Variants in COBLL1 observed in about 807,000 individuals in gnomAD.
The protein encoded by COBLL1 is cordon-bleu WH2 repeat protein like 1, also known as cordon-bleu protein-like 1.
A neutral mutation model predicts 94.8 loss-of-function variants in COBLL1; 50 were observed. The ratio of observed to expected loss-of-function variants is 0.53; its 90% confidence interval spans 0.42 to 0.67. COBLL1 has a LOEUF of 0.67. Ranked by LOEUF, COBLL1 falls within the 30% of genes least tolerant of loss-of-function variation. The pLI is 0.00. For synonymous variants in COBLL1, 448 were observed against 473.8 expected (o/e 0.95, Z 0.71); for missense variants, 1,362 against 1,348.7 (o/e 1.01, Z -0.15).
At chr2:164,773,876 G>T (rs1688333868) in intron 2 of COBLL1, 2 of 312,394 alleles carry the variant, frequency 6.4e-6, no homozygotes, top group African/African-American at 2.3e-5. Context: ...GAATTCACTG[G>T]TCTTATCCAA....
At chr2:164,832,705 AATT>A (rs1471733030) in intron 2 of COBLL1, among the ~76,000 whole-genome samples, 1 of 152,188 alleles carries the variant, frequency 6.6e-6, no homozygotes, top group East Asian at 1.9e-4. Context: ...AAAAAATAAT[AATT>A]GTTTATATTA....
rs192070007 is a variant in COBLL1, at chr2:164,735,270, C to G, written c.231-5155G>C. Among the ~76,000 whole-genome samples the G allele has an allele frequency of 1.5e-4, 23 of 152,268 alleles. No individual in the cohort carries two copies. The East Asian group carries it at 4.0e-3, about 27-fold the overall frequency. On this transcript the variant is annotated intron_variant, in intron 3 of 13. Coordinates refer to ENST00000652658, the MANE Select transcript of COBLL1 (RefSeq NM_001365672.2). ...CTAATACAACTGACACATGAGAAAG[C>G]ATACTTGTTGAGAGGAGGTTCATAT... is the stretch of plus-strand genomic sequence containing the variant.
chr2:164,804,188 T>C (rs1683971436), intron 2 of COBLL1, among the ~76,000 whole-genome samples: 2 of 149,778 alleles, frequency 1.3e-5, no homozygotes, highest in African/African-American at 4.9e-5. Context: ...CTTTTCTTGG[T>C]GCTAATATGA....
At chr2:164,795,493 T>TTAGAAGATC (rs1683400597) in intron 2 of COBLL1, among the ~76,000 whole-genome samples, 3 of 151,998 alleles carry the variant, frequency 2.0e-5, no homozygotes, top group Admixed American at 6.6e-5. Context: ...TCTTCTAAAT[T>TTAGAAGATC]TTTCTTACTC....
intron 2 of COBLL1, among the ~76,000 whole-genome samples, chr2:164,762,842 G>T (rs532588990): frequency 1.3e-5 from 2 of 151,946 alleles, no homozygotes; most frequent in Admixed American, 1.3e-4. Flanking sequence ...GACTACAGGC[G>T]CCTGGCACCA....
chr2:164,796,422 G>A (rs2105308345), intron 2 of COBLL1, among the ~76,000 whole-genome samples: 1 of 152,160 alleles, frequency 6.6e-6, no homozygotes, highest in South Asian at 2.1e-4. Flanking sequence ...CACAAATGAG[G>A]ATAACCAAAA....
intron 2 of COBLL1, among the ~76,000 whole-genome samples, chr2:164,835,010 G>A (rs747179572): frequency 6.6e-6 from 1 of 151,836 alleles, no homozygotes; most frequent in Non-Finnish European, 1.5e-5. Flanking sequence ...TTGGTGAAGA[G>A]AATTGGAACC....
intron 3 of COBLL1, among the ~76,000 whole-genome samples, chr2:164,734,243 T>C (rs1686177239): frequency 6.7e-6 from 1 of 149,364 alleles, no homozygotes; most frequent in African/African-American, 2.5e-5. Flanking sequence ...AGGAAAGAAG[T>C]TAGGAATGTC....
downstream of COBLL1, among the ~76,000 whole-genome samples, chr2:164,678,198 G>A (rs1445363684): frequency 6.6e-6 from 1 of 152,050 alleles, no homozygotes; most frequent in African/African-American, 2.4e-5. Flanking sequence ...AAGATATAAA[G>A]GCTTATTATA....
chr2:164,811,087 G>C (rs1053316096), intron 2 of COBLL1, among the ~76,000 whole-genome samples: 1 of 151,872 alleles, frequency 6.6e-6, no homozygotes, highest in Admixed American at 6.6e-5. Flanking sequence ...AACAAGATAA[G>C]TGAAATAACA....
chr2:164,733,459 C>T (rs1418407297), intron 3 of COBLL1, among the ~76,000 whole-genome samples: 1 of 152,166 alleles, frequency 6.6e-6, no homozygotes, highest in Non-Finnish European at 1.5e-5. Context: ...CTGAAAACCA[C>T]AGAAGTTCTT....
chr2:164,806,115 T>TA (rs1363800761), intron 2 of COBLL1, among the ~76,000 whole-genome samples: 1 of 152,038 alleles, frequency 6.6e-6, no homozygotes, highest in Non-Finnish European at 1.5e-5. Flanking sequence ...TAGTTACTGT[T>TA]AGGGGTCTTG....
At chr2:164,814,751 T>C (rs1684633558) in intron 2 of COBLL1, among the ~76,000 whole-genome samples, 1 of 151,866 alleles carries the variant, frequency 6.6e-6, no homozygotes, top group East Asian at 1.9e-4. Flanking sequence ...ACATACAAAA[T>C]ACCTCAATTC....
At chr2:164,709,552 T>C (rs1684775412) in intron 7 of COBLL1, among the ~76,000 whole-genome samples, 1 of 152,118 alleles carries the variant, frequency 6.6e-6, no homozygotes, top group Non-Finnish European at 1.5e-5. Context: ...ACCCCGTCTC[T>C]ACTAAAAATA....
chr2:164,702,289 C>T (rs907044947), intron 9 of COBLL1, among the ~76,000 whole-genome samples: 13 of 151,846 alleles, frequency 8.6e-5, no homozygotes, highest in South Asian at 4.1e-4. Context: ...CTAGGCTGGG[C>T]GTGGTGGCTC....
upstream of COBLL1, chr2:164,842,045 T>C (rs890469809): frequency 1.2e-5 from 18 of 1,531,412 alleles, no homozygotes; most frequent in Non-Finnish European, 1.6e-5. Context: ...TCGGCGGCAT[T>C]GGAGCGAGGG....
intron 3 of COBLL1, among the ~76,000 whole-genome samples, chr2:164,737,226 T>C (rs1254140516): frequency 6.6e-6 from 1 of 152,050 alleles, no homozygotes; most frequent in African/African-American, 2.4e-5. Flanking sequence ...TATTATAAGG[T>C]GTAGACGCCA....
chr2:164,824,713 A>G (rs897971802), intron 2 of COBLL1, among the ~76,000 whole-genome samples: 1 of 152,138 alleles, frequency 6.6e-6, no homozygotes, highest in South Asian at 2.1e-4. Context: ...ATGCAAGTCA[A>G]TTGTGTTATT....
chr2:164,791,346 T>TTAAAC (rs1683179957), intron 2 of COBLL1, among the ~76,000 whole-genome samples: 1 of 140,772 alleles, frequency 7.1e-6, no homozygotes, highest in South Asian at 2.1e-4. Context: ...AATGACATGG[T>TTAAAC]TAAACAAAAC....
Sources: allele counts gnomAD v4.1 joint callset (sites outside exome capture counted in the v4.1 genomes callset), GRCh38; gene constraint gnomAD v4.1.1; transcripts MANE v1.5; gene names NCBI Gene and HGNC (gene_info 2026-07-23, HGNC 2026-07-21).